CDYL: variants seen among roughly 807,000 people sequenced by gnomAD.
The protein encoded by CDYL is chromodomain Y-like protein.
In CDYL, 8 loss-of-function variants were observed where a neutral mutation model predicts 47.3. The observed-to-expected ratio is 0.17, with a 90% CI of 0.10 to 0.31. The LOEUF is 0.31. Ranked by LOEUF, CDYL falls within the 10% of genes least tolerant of loss-of-function variation. CDYL has a pLI of 1.00. For missense variants in CDYL, 471 were observed against 701.4 expected, an observed-to-expected ratio of 0.67 and a Z score of 3.71; for synonymous variants, 266 against 265.0, an observed-to-expected ratio of 1.00 and a Z score of -0.04.
intron 4 of CDYL, among the ~76,000 whole-genome samples, chr6:4,938,834 A>G (rs111821645): frequency 6.6e-6 from 1 of 152,228 alleles, no homozygotes; most frequent in Admixed American, 6.5e-5. Context: ...ATGATAACAT[A>G]TATCAGCAAA....
At chr6:4,865,358 G>C (rs951760945) in intron 1 of CDYL, among the ~76,000 whole-genome samples, 2 of 152,198 alleles carry the variant, frequency 1.3e-5, no homozygotes, top group African/African-American at 4.8e-5. Context: ...TCCAACCCTA[G>C]CCAATAGGGG....
chr6:4,919,598 C>T (rs62384681), intron 2 of CDYL, among the ~76,000 whole-genome samples: 10,739 of 152,136 alleles, frequency 0.071, 505 homozygotes, highest in South Asian at 0.16. Context: ...AAAAATTCTT[C>T]GAGTTTTCAG....
intron 3 of CDYL, among the ~76,000 whole-genome samples, chr6:4,740,520 G>A (rs139112832): frequency 6.6e-6 from 1 of 152,284 alleles, no homozygotes; most frequent in Non-Finnish European, 1.5e-5. Context: ...GAAACCCAAT[G>A]TAAGCTCATA....
chr6:4,748,095 A>G lies in CDYL; in HGVS notation c.186+13251A>G, dbSNP rs200034699. 3.3e-5 allele frequency among the ~76,000 whole-genome samples: 5 copies of G among 152,302 alleles called. No homozygotes were observed. The East Asian group carries it at 9.6e-4, about 29-fold the overall frequency. On this transcript the variant is annotated intron_variant, in intron 3 of 8. Transcript: ENST00000328908. ...AGGGAGCTTCTCGACACACCAAGTCACACTGGGAGGTTTTCCAGGGAATAT... is the reference window on the plus strand; with the variant it reads ...AGGGAGCTTCTCGACACACCAAGTCGCACTGGGAGGTTTTCCAGGGAATAT...
chr6:4,706,515 G>A (rs113943439), intron 1 of CDYL, among the ~76,000 whole-genome samples: 84 of 152,042 alleles, frequency 5.5e-4, no homozygotes, highest in African/African-American at 1.8e-3. Flanking sequence ...CAATTAGGCC[G>A]GGTATGGTGG....
chr6:4,740,226 C>T (rs2127416735), intron 3 of CDYL, among the ~76,000 whole-genome samples: 1 of 152,304 alleles, frequency 6.6e-6, no homozygotes, highest in Non-Finnish European at 1.5e-5. Context: ...GGCTTCTCCT[C>T]ATCCCACGTG....
At chr6:4,846,112 A>C (rs1760648095) in intron 1 of CDYL, among the ~76,000 whole-genome samples, 1 of 152,160 alleles carries the variant, frequency 6.6e-6, no homozygotes. Context: ...AGAAATGTGA[A>C]TACTACAATT....
At chr6:4,935,307 A>T (rs977416896) in intron 2 of CDYL, among the ~76,000 whole-genome samples, 3 of 152,228 alleles carry the variant, frequency 2.0e-5, no homozygotes, top group Admixed American at 6.5e-5. Flanking sequence ...AAGGTGAAAC[A>T]AAAGAGTGAC....
intron 1 of CDYL, among the ~76,000 whole-genome samples, chr6:4,715,351 C>A (rs890762078): frequency 1.3e-5 from 2 of 152,180 alleles, no homozygotes; most frequent in South Asian, 4.1e-4. Flanking sequence ...AGGGGATGGT[C>A]CTTAAGCTGT....
intron 2 of CDYL, among the ~76,000 whole-genome samples, chr6:4,906,719 C>T (rs1274560897): frequency 6.6e-6 from 1 of 152,170 alleles, no homozygotes; most frequent in Non-Finnish European, 1.5e-5. Context: ...TCAAAATTGT[C>T]ACAGCTTTAT....
chr6:4,711,980 G>A (rs1314971952), intron 1 of CDYL, among the ~76,000 whole-genome samples: 3 of 152,120 alleles, frequency 2.0e-5, no homozygotes, highest in East Asian at 1.9e-4. Context: ...TGGGAGGATC[G>A]CTTGAGCCCA....
At chr6:4,760,179 C>T (rs1308830838) in intron 3 of CDYL, among the ~76,000 whole-genome samples, 4 of 151,684 alleles carry the variant, frequency 2.6e-5, no homozygotes, top group Admixed American at 2.6e-4. Context: ...GCTCAGTGTT[C>T]CATAAATATT....
intron 1 of CDYL, among the ~76,000 whole-genome samples, chr6:4,850,449 G>A (rs1223654570): frequency 6.6e-6 from 1 of 152,082 alleles, no homozygotes; most frequent in Non-Finnish European, 1.5e-5. Flanking sequence ...TTGTGGTAGG[G>A]AACTCACAGT....
chr6:4,722,927 T>C (rs1298823957), intron 2 of CDYL, among the ~76,000 whole-genome samples: 2 of 152,058 alleles, frequency 1.3e-5, no homozygotes, highest in Non-Finnish European at 2.9e-5. Context: ...CAGACCAAAC[T>C]GAGGCAACTG....
At chr6:4,736,457 C>CA (rs1419133417) in intron 3 of CDYL, among the ~76,000 whole-genome samples, 1 of 152,130 alleles carries the variant, frequency 6.6e-6, no homozygotes, top group African/African-American at 2.4e-5. Flanking sequence ...CTGCCAAGGA[C>CA]AGACAAAGAA....
In CDYL at chr6:4,875,936, G is replaced by A. The variant is rs956838181; in HGVS notation, c.25-15777G>A. ...AAGCATTTCATTAACTGGAATTCCA[G>A]TTTGTTCATAGTTTTTTTCTTTTTA... On this transcript the variant is annotated intron_variant, in intron 1 of 6. Coordinates refer to ENST00000397588, the MANE Select transcript of CDYL (RefSeq NM_004824.4). Among the ~76,000 whole-genome samples the A allele has an allele frequency of 2.6e-5, 4 of 152,280 alleles. No homozygotes were observed. In the East Asian group the frequency reaches 7.7e-4, roughly 29 times the overall value.
At chr6:4,741,485 T>C (rs1757796283) in intron 3 of CDYL, among the ~76,000 whole-genome samples, 2 of 152,214 alleles carry the variant, frequency 1.3e-5, no homozygotes, top group Non-Finnish European at 2.9e-5. Context: ...ATCATCATGC[T>C]CCATTGCATT....
intron 1 of CDYL, among the ~76,000 whole-genome samples, chr6:4,875,635 A>G (rs923840216): frequency 1.3e-5 from 2 of 152,186 alleles, no homozygotes; most frequent in Non-Finnish European, 2.9e-5. Flanking sequence ...CATATCTGTG[A>G]CTTTACTGAA....
chr6:4,768,682 A>C (rs1581153963), intron 3 of CDYL, among the ~76,000 whole-genome samples: 1 of 152,166 alleles, frequency 6.6e-6, no homozygotes, highest in East Asian at 1.9e-4. Context: ...GGGAAACATA[A>C]TCCTCATTTC....
Sources: gnomAD v4.1 joint callset for allele counts (sites outside exome capture counted in the v4.1 genomes callset) on GRCh38, gnomAD v4.1.1 for gene constraint, MANE v1.5 for transcripts, NCBI Gene and HGNC (gene_info 2026-07-23, HGNC 2026-07-21) for gene names.